The following ADGRE2 variants were observed in gnomAD, a reference collection of about 807,000 sequenced individuals.
ADGRE2 encodes the protein adhesion G protein-coupled receptor E2, also known as CD97 antigen.
ADGRE2 carries 83 observed loss-of-function variants against 100.8 expected under a neutral mutation model. That is an observed-to-expected ratio of 0.82 (90% CI 0.69 to 0.99). ADGRE2 has a LOEUF of 0.99. Among genes scored for constraint, ADGRE2 ranks in the 50% least tolerant of loss-of-function variants. The pLI, the probability that ADGRE2 is intolerant of heterozygous loss-of-function variation, is 0.00. For missense variants in ADGRE2, 814 were observed against 1,035.7 expected (o/e 0.79, Z 2.94); for synonymous variants, 355 against 413.0 (o/e 0.86, Z 1.70).
intron 16 of ADGRE2, among the ~76,000 whole-genome samples, chr19:14,751,015 G>T (rs2043266970): frequency 6.6e-6 from 1 of 151,918 alleles, no homozygotes; most frequent in Non-Finnish European, 1.5e-5. Context: ...GTCTTGCTGT[G>T]TTGCCCAGGC....
chr19:14,757,370 A>G (rs1444617927), intron 11 of ADGRE2, among the ~76,000 whole-genome samples: 1 of 150,740 alleles, frequency 6.6e-6, no homozygotes, highest in African/African-American at 2.5e-5. Flanking sequence ...AGAATAAGAA[A>G]AGTTCATCTT....
chr19:14,765,823 G>A lies in ADGRE2; in HGVS notation c.635-19C>T. On this transcript the variant is annotated intron_variant, in intron 7 of 20. Transcript: ENST00000315576. The stretch of plus-strand genomic sequence containing the variant: ...TCCACATCTGAGGACAGGAAGAAGG[G>A]GGTCAGGTCCTGTCCCAGCCTGGAG... 1.2e-6 allele frequency: 2 copies of A among 1,612,700 alleles called. No homozygotes were observed. The highest frequency in any genetic ancestry group is 1.1e-5 in the South Asian group (1 of 91,020).
chr19:14,773,178 G>C (rs898126819), intron 4 of ADGRE2, among the ~76,000 whole-genome samples: 6 of 149,910 alleles, frequency 4.0e-5, no homozygotes, highest in Admixed American at 2.0e-4. Context: ...AGTCTTAACG[G>C]TAAACTGAGG....
intron 15 of ADGRE2, among the ~76,000 whole-genome samples, chr19:14,751,910 CACAT>C (rs1386936757): frequency 1.5e-3 from 100 of 66,258 alleles, no homozygotes; most frequent in African/African-American, 6.7e-3. Flanking sequence ...CACACACACA[CACAT>C]ATATATATAT....
At chr19:14,731,238 A>G, downstream of ADGRE2, 1 of 1,504,970 alleles carries the variant, frequency 6.6e-7, no homozygotes, top group South Asian at 1.2e-5. Context: ...GATCGCTAGA[A>G]TCCAACCTCT....
Position 14,774,350 on chromosome 19 carries a change from G to A in ADGRE2, c.32-44C>T. ...AGGGGGTCAGAGGGGATCCCAGGGTGGGAAAGGAGGCGTAAGGGTGATGCA... is the reference window on the plus strand; with the variant it reads ...AGGGGGTCAGAGGGGATCCCAGGGTAGGAAAGGAGGCGTAAGGGTGATGCA... On this transcript the variant is annotated intron_variant, in intron 2 of 20. Coordinates refer to ENST00000315576, the MANE Select transcript of ADGRE2 (RefSeq NM_013447.4). The A allele has an allele frequency of 2.5e-6, 3 of 1,194,898 alleles. No individual in the cohort carries two copies. The South Asian group carries it at 4.5e-5, about 18-fold the overall frequency. 74.0% of individuals were successfully genotyped at this position (1,194,898 alleles called of 1,614,324 possible).
intron 16 of ADGRE2, among the ~76,000 whole-genome samples, chr19:14,749,156 ATAAT>A (rs892443668): frequency 8.0e-5 from 12 of 149,516 alleles, no homozygotes; most frequent in South Asian, 2.1e-4. Flanking sequence ...TCAAAGGTAA[ATAAT>A]TAATCATATA....
chr19:14,751,472 G>T lies in ADGRE2; in HGVS notation c.1988C>A (p.Ala663Glu), dbSNP rs2043281514. ...TCCATAAAGGTGAGGCCTGGAGGCT[G>T]CAGAAATGGCCACTGTCACAGCTGG... ...GVPAVTVAIS[A>E]ASRPHLYGTP... is the part of the protein sequence containing the mutation. Residue 663 changes from alanine (A) to glutamate (E), a missense_variant, in exon 16 of 21, where the codon GCA becomes GAA. This residue lies in a region of ADGRE2 where 569 missense variants were observed against 692.7 expected (regional missense o/e 0.82). Coordinates refer to ENST00000315576, the MANE Select transcript of ADGRE2 (RefSeq NM_013447.4). The T allele has an allele frequency of 8.1e-6, 13 of 1,614,102 alleles. No homozygotes were observed. In the East Asian group the frequency reaches 2.9e-4, roughly 36 times the overall value.
downstream of ADGRE2, among the ~76,000 whole-genome samples, chr19:14,728,087 C>T (rs2042644845): frequency 6.6e-6 from 1 of 152,142 alleles, no homozygotes; most frequent in South Asian, 2.1e-4. Flanking sequence ...GTGGTGGGCG[C>T]CTGTAGTCCC....
rs563911014 is a variant in ADGRE2, at chr19:14,748,532, C to T, written c.2025-1570G>A. On this transcript the variant is annotated intron_variant, in intron 16 of 20. Transcript: ENST00000315576. ...CCATGTTGGCCAGGATGGTCTCAATCTCTTGACCTTGTGATCTGCTCGCCT... is the reference window on the plus strand; with the variant it reads ...CCATGTTGGCCAGGATGGTCTCAATTTCTTGACCTTGTGATCTGCTCGCCT... 2.7e-3 allele frequency among the ~76,000 whole-genome samples: 411 copies of T among 152,290 alleles called. 1 individual carries two copies. The highest frequency in any genetic ancestry group is 9.3e-3 in the African/African-American group (386 of 41,568).
At chr19:14,748,910 T>G (rs960198155) in intron 16 of ADGRE2, among the ~76,000 whole-genome samples, 1 of 152,076 alleles carries the variant, frequency 6.6e-6, no homozygotes, top group Non-Finnish European at 1.5e-5. Flanking sequence ...GACCAAGTCC[T>G]GCAACATATT....
At chr19:14,752,586 A>G (rs778050849) in intron 14 of ADGRE2, 60 bp from the exon 15 acceptor site, 413 of 1,564,468 alleles carry the variant, frequency 2.6e-4, no homozygotes, top group Non-Finnish European at 3.5e-4. Context: ...TAATGACCCC[A>G]CCACCATTTA....
At chr19:14,756,397 C>A in intron 11 of ADGRE2, 52 bp from the exon 12 acceptor site, 1 of 1,226,890 alleles carries the variant, frequency 8.2e-7, no homozygotes, top group South Asian at 1.2e-5. Context: ...ATCGTGCCTG[C>A]AGTGGTTGAT....
rs2044421806 is a variant in ADGRE2, at chr19:14,775,954, C to T, written c.31+772G>A. Among the ~76,000 whole-genome samples, 4 of 151,960 alleles carry T rather than the reference C, an allele frequency of 2.6e-5. No individual in the cohort carries two copies. The South Asian group carries it at 8.3e-4, about 32-fold the overall frequency. ...CTCAGGGACACAGGTGCACACACAC[C>T]ACAACCGCCGCCAGCCCTGGCGGCC... On this transcript the variant is annotated intron_variant, in intron 2 of 20. Transcript: ENST00000315576.
chr19:14,733,562 C>T lies in ADGRE2; in HGVS notation c.*2674G>A, dbSNP rs774793359. The T allele has an allele frequency of 6.6e-6, 1 of 151,038 alleles. No individual in the cohort carries two copies. The highest frequency in any genetic ancestry group is 1.5e-5 in the Non-Finnish European group (1 of 67,696). 9.4% of individuals were successfully genotyped at this position (151,038 alleles called of 1,614,324 possible). On this transcript the variant is annotated 3_prime_UTR_variant, in exon 21 of 21. Transcript: ENST00000315576. ...GCAGAAAAATGTATAAAAGCAAACA[C>T]ACCACTCTCCCTCCCATATAAGCAC...
chr19:14,744,343 C>A (rs76987033), intron 18 of ADGRE2, among the ~76,000 whole-genome samples: 1 of 152,060 alleles, frequency 6.6e-6, no homozygotes, highest in African/African-American at 2.4e-5. Context: ...AGGCATGACA[C>A]ACAAAATTTG....
chr19:14,756,029 T>G, intron 12 of ADGRE2, 152 bp from the exon 13 acceptor site: 1 of 768,786 alleles, frequency 1.3e-6, no homozygotes, highest in Non-Finnish European at 2.1e-6. Flanking sequence ...TTTAGTTCTA[T>G]GTGTATCACA....
chr19:14,776,394 T>C (rs573011875), intron 2 of ADGRE2: 41 of 264,236 alleles, frequency 1.6e-4, no homozygotes, highest in African/African-American at 9.6e-4. Context: ...TCTGGGGTCC[T>C]AGCACTCACT....
chr19:14,739,216 C>T (rs11881693), intron 20 of ADGRE2, among the ~76,000 whole-genome samples: 10,680 of 152,104 alleles, frequency 0.07, 1,299 homozygotes, highest in African/African-American at 0.25. Context: ...GTGCTCTGCC[C>T]GCCTTGGCCT....
Sources: gnomAD v4.1 joint callset for allele counts (sites outside exome capture counted in the v4.1 genomes callset) on GRCh38, gnomAD v4.1.1 for gene constraint, gnomAD v4.1.1 regional missense constraint, MANE v1.5 for transcripts, NCBI Gene and HGNC (gene_info 2026-07-23, HGNC 2026-07-21) for gene names.